ACSS3: variants seen among roughly 807,000 people sequenced by gnomAD.
ACSS3 encodes acyl-CoA synthetase short chain family member 3.
ACSS3 carries 64 observed loss-of-function variants against 84.2 expected under a neutral mutation model. The observed-to-expected ratio is 0.76, with a 90% CI of 0.62 to 0.94. The LOEUF (loss-of-function observed/expected upper bound fraction) is 0.94, where lower values mean the gene tolerates loss of function less well. Ranked by LOEUF, ACSS3 falls within the 40% of genes least tolerant of loss-of-function variation. The pLI is 0.00. For missense variants in ACSS3, 815 were observed against 867.6 expected, an observed-to-expected ratio of 0.94 and a Z score of 0.76; for synonymous variants, 317 against 310.1, an observed-to-expected ratio of 1.02 and a Z score of -0.23.
chr12:81,177,703 A>T (rs1293981701), intron 8 of ACSS3, among the ~76,000 whole-genome samples: 1 of 152,234 alleles, frequency 6.6e-6, no homozygotes, highest in Non-Finnish European at 1.5e-5. Context: ...GCCAAAAAAC[A>T]CATGAAAAAA....
chr12:81,177,177 C>T (rs898534266), intron 8 of ACSS3, among the ~76,000 whole-genome samples: 6 of 152,144 alleles, frequency 3.9e-5, no homozygotes, highest in Admixed American at 2.0e-4. Context: ...TAATAAGGCT[C>T]ATCTATAACA....
intron 7 of ACSS3, among the ~76,000 whole-genome samples, chr12:81,165,370 G>T (rs1887349985): frequency 6.6e-6 from 1 of 152,192 alleles, no homozygotes; most frequent in African/African-American, 2.4e-5. Context: ...CAGAGGCCGG[G>T]CGCAGTGGCT....
rs141036229 is a variant in ACSS3 at position 81,252,881 on chromosome 12, C to T, written c.1720-426C>T. ...AGTTATTATTTAGCCATAGGGCAGC[C>T]TCGGATTCCTCTGGAAGGTATGCCT... On this transcript the variant is annotated intron_variant, in intron 13 of 15. Transcript: ENST00000548058. 2.8e-3 allele frequency among the ~76,000 whole-genome samples: 432 copies of T among 152,268 alleles called. 8 individuals carry two copies. The highest frequency in any genetic ancestry group is 9.9e-3 in the African/African-American group (412 of 41,558).
rs2033050349 is a variant in ACSS3 at position 81,220,053 on chromosome 12, G to A, written c.1491G>A (p.Arg497=). The change falls in exon 11 of 16, where the codon CGG becomes CGA. Residue 497 remains arginine, a synonymous_variant. Coordinates refer to ENST00000548058, the MANE Select transcript of ACSS3 (RefSeq NM_024560.4). ...LDDNMQKLKA[R]CLGNIVVKLP... is the part of the protein sequence containing the mutation. ...ACAACATGCAAAAACTGAAGGCTCG[G>A]TGTTTAGGAAATATTGTGGTAAAGT... The A allele has an allele frequency of 6.5e-7, 1 of 1,540,314 alleles. No homozygotes were observed. The highest frequency in any genetic ancestry group is 8.8e-7 in the Non-Finnish European group (1 of 1,142,736).
At chr12:81,232,453 T>C (rs1043104183) in intron 12 of ACSS3, among the ~76,000 whole-genome samples, 2 of 151,778 alleles carry the variant, frequency 1.3e-5, no homozygotes, top group Admixed American at 6.6e-5. Flanking sequence ...GGAACTGAGA[T>C]GAACCAAAAT....
At chr12:81,170,197 T>G in intron 7 of ACSS3, among the ~76,000 whole-genome samples, 1 of 152,156 alleles carries the variant, frequency 6.6e-6, no homozygotes, top group East Asian at 1.9e-4. Context: ...AGTGGTTGTA[T>G]TTCACTGCTT....
At chr12:81,230,350 GGAGA>G (rs911709321) in intron 11 of ACSS3, among the ~76,000 whole-genome samples, 2 of 151,796 alleles carry the variant, frequency 1.3e-5, no homozygotes, top group Admixed American at 1.3e-4. Flanking sequence ...AGATAAACAA[GGAGA>G]TAGATAGAGG....
intron 4 of ACSS3, among the ~76,000 whole-genome samples, chr12:81,140,017 T>G (rs1435966): frequency 1.3e-5 from 2 of 152,128 alleles, no homozygotes; most frequent in East Asian, 3.8e-4. Context: ...CCAGTGAACA[T>G]GGAGATAAAG....
intron 1 of ACSS3, among the ~76,000 whole-genome samples, chr12:81,108,403 G>A (rs1448924630): frequency 1.3e-5 from 2 of 151,768 alleles, no homozygotes; most frequent in African/African-American, 4.8e-5. Flanking sequence ...TCAGCCTCCC[G>A]AGTAGCTGGA....
At chr12:81,218,216 G>A (rs1390785939) in intron 10 of ACSS3, among the ~76,000 whole-genome samples, 2 of 152,146 alleles carry the variant, frequency 1.3e-5, no homozygotes, top group Admixed American at 6.6e-5. Context: ...AAAGTCAGAG[G>A]ACTGACTTGA....
At chr12:81,174,767 T>C in intron 7 of ACSS3, 21 bp from the exon 8 acceptor site, 2 of 1,605,590 alleles carry the variant, frequency 1.2e-6, no homozygotes, top group Non-Finnish European at 1.7e-6. Flanking sequence ...CCAGTGACAT[T>C]TTAAATGAAT....
At chr12:81,176,461 C>T (rs951200530) in intron 8 of ACSS3, among the ~76,000 whole-genome samples, 3 of 151,956 alleles carry the variant, frequency 2.0e-5, no homozygotes, top group African/African-American at 7.2e-5. Context: ...GTAGTCCCAC[C>T]TACTTGGGAG....
intron 8 of ACSS3, among the ~76,000 whole-genome samples, chr12:81,196,559 T>C (rs1048689841): frequency 2.0e-5 from 3 of 152,160 alleles, no homozygotes; most frequent in Non-Finnish European, 2.9e-5. Context: ...TATATTTCCA[T>C]TGGACCATGC....
chr12:81,155,919 A>G (rs1290892918), intron 7 of ACSS3, among the ~76,000 whole-genome samples: 2 of 152,204 alleles, frequency 1.3e-5, no homozygotes, highest in Non-Finnish European at 2.9e-5. Context: ...ATTGACATTC[A>G]TAGAAAACTA....
At chr12:81,141,488 G>A (rs755220616) in intron 4 of ACSS3, among the ~76,000 whole-genome samples, 5 of 152,128 alleles carry the variant, frequency 3.3e-5, no homozygotes, top group African/African-American at 1.2e-4. Flanking sequence ...TCCCAATACC[G>A]CCTTTTAAGA....
At chr12:81,114,682 C>A (rs1375023851) in intron 2 of ACSS3, among the ~76,000 whole-genome samples, 1 of 152,036 alleles carries the variant, frequency 6.6e-6, no homozygotes, top group Non-Finnish European at 1.5e-5. Context: ...CTTTTCCATG[C>A]TTGGTAAATA....
Position 81,134,929 on chromosome 12 carries a change from G to A in ACSS3, c.570G>A (p.Arg190=). 1.2e-6 allele frequency: 2 copies of A among 1,607,514 alleles called. No homozygotes were observed. Among genetic ancestry groups the A allele is most frequent in the Non-Finnish European group, 1.7e-6 (2 of 1,176,472 alleles). The part of the protein sequence containing the change: ...QAMYTMLACA[R]IGAIHSLIFG... ...TGTATACCATGTTGGCATGTGCAAGGATAGGTGCCATCCACAGTCTCATAT... is the reference window on the plus strand; with the variant it reads ...TGTATACCATGTTGGCATGTGCAAGAATAGGTGCCATCCACAGTCTCATAT... Residue 190 remains arginine (R), a synonymous_variant, in exon 3 of 16, where the codon AGG becomes AGA. Coordinates refer to ENST00000548058, the MANE Select transcript of ACSS3 (RefSeq NM_024560.4).
chr12:81,168,729 C>T (rs1887518113), intron 7 of ACSS3, among the ~76,000 whole-genome samples: 1 of 152,048 alleles, frequency 6.6e-6, no homozygotes, highest in Admixed American at 6.6e-5. Context: ...AGCATTTCTC[C>T]CCAGTAATTT....
intron 1 of ACSS3, among the ~76,000 whole-genome samples, chr12:81,100,747 A>G (rs538454106): frequency 7.2e-5 from 11 of 152,192 alleles, no homozygotes; most frequent in Admixed American, 2.6e-4. Context: ...ATCCTCACTC[A>G]GAGATATAGG....
Sources: gnomAD v4.1 joint callset for allele counts (sites outside exome capture counted in the v4.1 genomes callset) on GRCh38, gnomAD v4.1.1 for gene constraint, MANE v1.5 for transcripts, NCBI Gene and HGNC (gene_info 2026-07-23, HGNC 2026-07-21) for gene names.